LRRC9: variants seen among roughly 807,000 people sequenced by gnomAD.
LRRC9 encodes leucine-rich repeat-containing protein 9.
In LRRC9, 122 loss-of-function variants were observed where a neutral mutation model predicts 63.2. That is an observed-to-expected ratio of 1.93 (90% confidence interval 1.67 to 2.24). The LOEUF (loss-of-function observed/expected upper bound fraction) is 2.24. Ranked by LOEUF, LRRC9 falls within the 30% of genes most tolerant of loss-of-function variation. The pLI is 0.00. For missense variants in LRRC9, 1,071 were observed against 627.7 expected, an observed-to-expected ratio of 1.71 and a Z score of -7.55; for synonymous variants, 366 against 213.1, an observed-to-expected ratio of 1.72 and a Z score of -6.25.
chr14:60,065,660 AAAAAAACTGT>A (rs1171924711), downstream of LRRC9, among the ~76,000 whole-genome samples: 1 of 117,840 alleles, frequency 8.5e-6, no homozygotes, highest in Non-Finnish European at 1.8e-5. Context: ...AAAAAAAAAA[AAAAAAACTGT>A]AAAAGAGAGT....
At chr14:60,034,015 C>CTTTCT (rs1555385955) in intron 29 of LRRC9, among the ~76,000 whole-genome samples, 6 of 116,014 alleles carry the variant, frequency 5.2e-5, no homozygotes, top group African/African-American at 1.1e-4. Context: ...TTTTTTCTTT[C>CTTTCT]TTTTTTTTTT....
rs1225037564 is a variant in LRRC9 at position 60,004,998 on chromosome 14, G to C, written c.2842+1200G>C. Among the ~76,000 whole-genome samples the C allele has an allele frequency of 6.6e-6, 1 of 151,998 alleles. No homozygotes were observed. The highest frequency in any genetic ancestry group is 2.4e-5 in the African/African-American group (1 of 41,414). ...GGTAAGAATTAGAAATCACGGCTGG[G>C]AAACAGAATTTACATTTTATTCATT... On this transcript the variant is annotated intron_variant, in intron 21 of 31. Transcript: ENST00000445360. This position sits in a 1 kb window ranked among gnomAD's most constrained non-coding sequence, Gnocchi z 4.8.
Position 60,031,425 on chromosome 14 carries a change from A to T in LRRC9, c.3922-570A>T, listed in dbSNP as rs185016353. Among the ~76,000 whole-genome samples, 7 of 152,188 alleles carry T rather than the reference A, an allele frequency of 4.6e-5. No individual in the cohort carries two copies. The highest frequency in any genetic ancestry group is 4.6e-4 in the Admixed American group (7 of 15,258). On this transcript the variant is annotated intron_variant, in intron 28 of 31. Coordinates refer to ENST00000445360, the Ensembl canonical transcript of LRRC9. The surrounding 1 kb of genome is among the most constrained non-coding windows in gnomAD (Gnocchi z 4.6). The stretch of plus-strand genomic sequence containing the variant: ...ATAGCATTTTAGAAATAATTTTGCA[A>T]AAACTAAAATGTATTTGCAAACTTT...
intron 23 of LRRC9, among the ~76,000 whole-genome samples, chr14:60,014,417 T>C (rs1467873833): frequency 6.6e-6 from 1 of 152,074 alleles, no homozygotes; most frequent in Non-Finnish European, 1.5e-5. Context: ...AAAACTTTCT[T>C]TAGTCATTTC....
chr14:59,996,621 A>T (rs1888822813), intron 17 of LRRC9, among the ~76,000 whole-genome samples: 1 of 152,348 alleles, frequency 6.6e-6, no homozygotes, highest in East Asian at 1.9e-4. Context: ...CAGTATAAAC[A>T]CATAGAAAAA....
At chr14:60,064,454 T>A (rs1195574692), downstream of LRRC9, among the ~76,000 whole-genome samples, 1 of 152,212 alleles carries the variant, frequency 6.6e-6, no homozygotes, top group East Asian at 1.9e-4. Context: ...TGTCTGGAAA[T>A]AGTTTTAAAG....
At chr14:59,940,950 A>G (rs566821293) in intron 7 of LRRC9, among the ~76,000 whole-genome samples, 3 of 152,192 alleles carry the variant, frequency 2.0e-5, no homozygotes, top group Non-Finnish European at 4.4e-5. Context: ...TTAAAGTCCA[A>G]ATACAAAAAG....
At chr14:59,929,947 C>T (rs1889552231) in intron 3 of LRRC9, among the ~76,000 whole-genome samples, 1 of 151,722 alleles carries the variant, frequency 6.6e-6, no homozygotes, top group Admixed American at 6.6e-5. Context: ...GGAGAAGGAT[C>T]AGGAAAAATA....
chr14:59,931,209 A>ATT (rs996510707), intron 4 of LRRC9, among the ~76,000 whole-genome samples, 151 bp downstream of exon 4: 6 of 152,098 alleles, frequency 3.9e-5, no homozygotes, highest in African/African-American at 1.4e-4. Context: ...TGTATATAGC[A>ATT]TTTTATAAGG....
rs550665085 is a variant in LRRC9 at position 60,060,246 on chromosome 14, G to C, written c.4276+2224G>C. On this transcript the variant is annotated intron_variant, in intron 31 of 31. Coordinates refer to ENST00000445360, the Ensembl canonical transcript of LRRC9. This position sits in a 1 kb window ranked among gnomAD's most constrained non-coding sequence, Gnocchi z 4.0. ...TAGCTGACTGTTGAGACCCAGTGCT[G>C]AGAAACAGATTGCTTTCCAAAGACT... 6.6e-6 allele frequency among the ~76,000 whole-genome samples: 1 copy of C among 152,280 alleles called. No individual in the cohort carries two copies. Among genetic ancestry groups the C allele is most frequent in the South Asian group, 2.1e-4 (1 of 4,828 alleles).
rs980904982 is a variant in LRRC9, at chr14:59,982,185, C to T, written c.2091+125C>T. 6 of 577,386 alleles carry T rather than the reference C, an allele frequency of 1.0e-5. No individual in the cohort carries two copies. The East Asian group carries it at 1.4e-4, about 14-fold the overall frequency. 35.8% of individuals were successfully genotyped at this position (577,386 alleles called of 1,614,324 possible). ...ATGCCAGGTACAATGCTACCTAAAG[C>T]GTCCATTTCTCTTTTTCTACTTGGA... On this transcript the variant is annotated intron_variant, in intron 16 of 31. Transcript: ENST00000445360.
At position 60,053,137 on chromosome 14, in the gene LRRC9, C is replaced by G. The variant is rs751571205; in HGVS notation, c.4063C>G (p.Pro1355Ala). 36 of 701,732 alleles carry G rather than the reference C, an allele frequency of 5.1e-5. No homozygotes were observed. The highest frequency in any genetic ancestry group is 1.3e-5 in the Non-Finnish European group (5 of 384,334). The allele number at this position is 701,732 out of a possible 1,614,324, so 43.5% of individuals were successfully genotyped here. A position where few individuals can be genotyped will look rare whatever the true frequency, so the allele number is the denominator to read the frequency against. ...TAACTTACAGATGTTAGATGGAAGT[C>G]CTGTGAATTCAGATGATAGGGCAAA... is the stretch of plus-strand genomic sequence containing the variant. The change falls in exon 30 of 32, where the codon CCT (proline) becomes GCT (alanine). Residue 1355 changes from proline to alanine, a missense_variant. Transcript: ENST00000445360. The surrounding 1 kb of genome is among the most constrained non-coding windows in gnomAD (Gnocchi z 4.8).
intron 9 of LRRC9, 110 bp downstream of exon 9, chr14:59,960,124 G>T (rs954471176): frequency 1.9e-6 from 1 of 521,324 alleles, no homozygotes; most frequent in Admixed American, 3.6e-5. Context: ...AACAATTACA[G>T]TATGAAGTAA....
intron 31 of LRRC9, chr14:60,059,138 T>A (rs1009231244): frequency 6.6e-6 from 1 of 152,208 alleles, no homozygotes; most frequent in Non-Finnish European, 1.5e-5. Flanking sequence ...CCTTTTTTTA[T>A]TGCATTTCAC....
At chr14:59,941,130 A>ATTTTGAAG (rs1196233358) in intron 7 of LRRC9, among the ~76,000 whole-genome samples, 1 of 151,908 alleles carries the variant, frequency 6.6e-6, no homozygotes, top group Non-Finnish European at 1.5e-5. Context: ...TGATTTTGAA[A>ATTTTGAAG]AAGTTTAGAA....
Position 59,932,070 on chromosome 14 carries a change from T to A in LRRC9, c.543+31T>A, listed in dbSNP as rs1423099684. 1 of 691,976 alleles carries A rather than the reference T, an allele frequency of 1.4e-6. No individual in the cohort carries two copies. The highest frequency in any genetic ancestry group is 1.8e-5 in the African/African-American group (1 of 56,536). The allele number at this position is 691,976 out of a possible 1,614,324, so 42.9% of individuals were successfully genotyped here. A position where few individuals can be genotyped will look rare whatever the true frequency, so the allele number is the denominator to read the frequency against. ...TTTAAGTGGAATAATTAATTTTTATTTATCATCCTGAATCATGAACCATTG... is the reference window on the plus strand; with the variant it reads ...TTTAAGTGGAATAATTAATTTTTATATATCATCCTGAATCATGAACCATTG... On this transcript the variant is annotated intron_variant, in intron 6 of 31. Transcript: ENST00000445360. The surrounding 1 kb of genome is among the most constrained non-coding windows in gnomAD (Gnocchi z 4.7).
At chr14:60,000,342 G>T (rs1889234266) in intron 19 of LRRC9, among the ~76,000 whole-genome samples, 1 of 152,070 alleles carries the variant, frequency 6.6e-6, no homozygotes, top group South Asian at 2.1e-4. Context: ...TAGGTACTAT[G>T]CCCACTACCT....
At chr14:60,055,061 C>T (rs1894173090) in intron 30 of LRRC9, among the ~76,000 whole-genome samples, 1 of 152,134 alleles carries the variant, frequency 6.6e-6, no homozygotes, top group African/African-American at 2.4e-5. Context: ...CACCCGGCCC[C>T]CTTACTTTTT....
At chr14:59,982,379 C>A (rs1001072752) in intron 16 of LRRC9, among the ~76,000 whole-genome samples, 2 of 151,866 alleles carry the variant, frequency 1.3e-5, no homozygotes, top group African/African-American at 4.8e-5. Flanking sequence ...AACAAAATAC[C>A]ACAGACTGAG....
Sources: gnomAD v4.1 joint callset for allele counts (sites outside exome capture counted in the v4.1 genomes callset) on GRCh38, gnomAD v4.1.1 for gene constraint, Gnocchi (gnomAD v3.1) non-coding constraint, MANE v1.5 for transcripts, NCBI Gene and HGNC (gene_info 2026-07-23, HGNC 2026-07-21) for gene names.